RARB: variants seen among roughly 807,000 people sequenced by gnomAD.
RARB encodes the protein HBV-activated protein.
In RARB, 17 loss-of-function variants were observed where a neutral mutation model predicts 51.9. That is an observed-to-expected ratio of 0.33 (90% CI 0.22 to 0.49). The LOEUF is 0.49. Ranked by LOEUF, RARB falls within the 20% of genes least tolerant of loss-of-function variation. RARB has a pLI of 0.99. For missense variants in RARB, 369 were observed against 550.8 expected (o/e 0.67, Z 3.30); for synonymous variants, 215 against 195.4 (o/e 1.10, Z -0.84).
At chr3:25,095,342 C>T (rs907454870) in intron 3 of RARB, among the ~76,000 whole-genome samples, 3 of 152,168 alleles carry the variant, frequency 2.0e-5, no homozygotes, top group Non-Finnish European at 2.9e-5. Flanking sequence ...AGTATGATCC[C>T]TGGACCAGCA....
chr3:25,428,807 T>C lies in RARB; in HGVS notation c.76T>C (p.Cys26Arg), dbSNP rs766309157. Residue 26 changes from cysteine to arginine, a missense_variant, in exon 1 of 8, where the codon TGC becomes CGC. Coordinates refer to ENST00000330688, the MANE Select transcript of RARB (RefSeq NM_000965.5). ...LDFYTASPSSCMLQEKALKAC... is the reference protein window; with the variant it reads ...LDFYTASPSSRMLQEKALKAC... Reference sequence around the variant, plus strand: ...TTTCTACACTGCGAGTCCGTCTTCCTGCATGCTCCAGGAGAAAGCTCTCAA... The same window carrying C: ...TTTCTACACTGCGAGTCCGTCTTCCCGCATGCTCCAGGAGAAAGCTCTCAA... 6.2e-7 allele frequency: 1 copy of C among 1,614,184 alleles called. No individual in the cohort carries two copies. Among genetic ancestry groups the C allele is most frequent in the Non-Finnish European group, 8.5e-7 (1 of 1,180,028 alleles).
intron 1 of RARB, among the ~76,000 whole-genome samples, chr3:24,857,391 C>A (rs1457182550): frequency 2.0e-5 from 3 of 152,140 alleles, no homozygotes; most frequent in Non-Finnish European, 2.9e-5. Context: ...AAAGATGTTT[C>A]TAGGGTCGTC....
intron 2 of RARB, among the ~76,000 whole-genome samples, chr3:25,011,903 A>G (rs1387521558): frequency 6.6e-6 from 1 of 152,102 alleles, no homozygotes; most frequent in Non-Finnish European, 1.5e-5. Context: ...CCTAAAAAAA[A>G]GAGGCACAAT....
chr3:25,510,067 C>A (rs1697811871), intron 3 of RARB, among the ~76,000 whole-genome samples: 2 of 152,196 alleles, frequency 1.3e-5, no homozygotes, highest in African/African-American at 4.8e-5. Context: ...AGGGGCTTTA[C>A]TAATGGCAAC....
At chr3:25,459,473 A>C (rs894685655) in intron 1 of RARB, among the ~76,000 whole-genome samples, 1 of 152,198 alleles carries the variant, frequency 6.6e-6, no homozygotes, top group Non-Finnish European at 1.5e-5. Flanking sequence ...ATTGGTGACT[A>C]TTGGAGGGCT....
intron 2 of RARB, among the ~76,000 whole-genome samples, chr3:25,500,451 C>CTTTTTTTTTTTTTTTTTTTTTTTTT (rs1553624117): frequency 2.0e-5 from 1 of 49,938 alleles, no homozygotes; most frequent in African/African-American, 8.4e-5. Flanking sequence ...TCTTTCTTTT[C>CTTTTTTTTTTTTTTTTTTTTTTTTT]TTGTTTTTTT....
intron 5 of RARB, among the ~76,000 whole-genome samples, chr3:25,375,531 A>G (rs893960205): frequency 6.6e-6 from 1 of 152,174 alleles, no homozygotes; most frequent in Non-Finnish European, 1.5e-5. Context: ...ATTTGTTGGG[A>G]TTGAAGAAGT....
chr3:24,857,879 T>A (rs1398148483), intron 1 of RARB, among the ~76,000 whole-genome samples: 1 of 152,226 alleles, frequency 6.6e-6, no homozygotes, highest in South Asian at 2.1e-4. Context: ...TGAGCTGTTA[T>A]TATGCCACTG....
chr3:25,339,952 C>G (rs761667288), intron 5 of RARB, among the ~76,000 whole-genome samples: 18 of 152,120 alleles, frequency 1.2e-4, no homozygotes, highest in Non-Finnish European at 2.5e-4. Flanking sequence ...AAGTAAGAGG[C>G]CTACTGTGGA....
rs1223410680 is a variant in RARB at position 25,057,758 on chromosome 3, A to G, written c.-379-2367A>G. 3.9e-5 allele frequency among the ~76,000 whole-genome samples: 6 copies of G among 152,146 alleles called. No individual in the cohort carries two copies. In the East Asian group the frequency reaches 7.7e-4, roughly 20 times the overall value. On this transcript the variant is annotated intron_variant, in intron 2 of 11. Transcript: ENST00000383772. ...ATTCATTCAGACTTACTAGAAGAAG[A>G]CTATTCCAAATGATTGAGAAAGCTA...
intron 5 of RARB, among the ~76,000 whole-genome samples, chr3:25,341,139 G>A (rs187317965): frequency 8.5e-5 from 13 of 152,250 alleles, no homozygotes; most frequent in East Asian, 3.9e-4. Context: ...AAAGCAATAC[G>A]ATGAGTTCTT....
chr3:25,012,061 A>G (rs999909519), intron 2 of RARB, among the ~76,000 whole-genome samples: 2 of 152,074 alleles, frequency 1.3e-5, no homozygotes, highest in African/African-American at 4.8e-5. Context: ...TCAACATATA[A>G]ATTCAATCTC....
chr3:25,444,940 C>T (rs1708862392), intron 1 of RARB, among the ~76,000 whole-genome samples: 1 of 151,920 alleles, frequency 6.6e-6, no homozygotes, highest in Non-Finnish European at 1.5e-5. Context: ...AATGAATGAA[C>T]ACCTCTTTTC....
intron 2 of RARB, among the ~76,000 whole-genome samples, chr3:24,939,271 C>T (rs1040761819): frequency 6.6e-5 from 10 of 152,132 alleles, no homozygotes; most frequent in South Asian, 2.1e-4. Context: ...ACAATGCTTC[C>T]GTGAACTTTT....
intron 2 of RARB, among the ~76,000 whole-genome samples, chr3:25,017,063 T>C (rs558044783): frequency 1.3e-5 from 2 of 152,294 alleles, no homozygotes; most frequent in South Asian, 4.1e-4. Context: ...GAGAAAGGAA[T>C]TAGGCTCTAC....
chr3:25,300,782 G>A (rs1284223488), intron 5 of RARB, among the ~76,000 whole-genome samples: 2 of 152,098 alleles, frequency 1.3e-5, no homozygotes, highest in South Asian at 2.1e-4. Flanking sequence ...CTGAGCTCAG[G>A]AGTTTGCGAC....
intron 3 of RARB, among the ~76,000 whole-genome samples, chr3:25,068,774 T>C (rs976801182): frequency 6.6e-6 from 1 of 152,170 alleles, no homozygotes; most frequent in Non-Finnish European, 1.5e-5. Context: ...AGGCGTCATC[T>C]ATAATGGCGG....
chr3:25,447,872 T>G (rs983935024), intron 1 of RARB, among the ~76,000 whole-genome samples: 1 of 151,854 alleles, frequency 6.6e-6, no homozygotes, highest in Non-Finnish European at 1.5e-5. Context: ...AAAATGGAAG[T>G]GAAGGTCACC....
At chr3:24,895,111 T>C (rs1703451656) in intron 2 of RARB, among the ~76,000 whole-genome samples, 1 of 152,226 alleles carries the variant, frequency 6.6e-6, no homozygotes, top group African/African-American at 2.4e-5. Context: ...GATTACCAGG[T>C]GATATGCTAA....
Sources: gnomAD v4.1 joint callset for allele counts (sites outside exome capture counted in the v4.1 genomes callset) on GRCh38, gnomAD v4.1.1 for gene constraint, MANE v1.5 for transcripts, NCBI Gene and HGNC (gene_info 2026-07-23, HGNC 2026-07-21) for gene names.